SLC22A23: variants seen among roughly 807,000 people sequenced by gnomAD.
SLC22A23 encodes the protein solute carrier family 22 member 23, also known as ion transporter protein.
SLC22A23 carries 26 observed loss-of-function variants against 61.0 expected under a neutral mutation model. The ratio of observed to expected loss-of-function variants is 0.43; its 90% CI spans 0.31 to 0.59. The LOEUF is 0.59. SLC22A23 is among the 20% of genes least tolerant of loss of function. The pLI, the probability that SLC22A23 is intolerant of heterozygous loss-of-function variation, is 0.11. For synonymous variants in SLC22A23, 430 were observed against 413.9 expected (o/e 1.04, Z -0.47); for missense variants, 796 against 934.7 (o/e 0.85, Z 1.94).
rs578144541 is a variant in SLC22A23 at position 3,318,155 on chromosome 6, C to T, written c.1082+5679G>A. Reference sequence around the variant, plus strand: ...GTCACTTCATTCCAGAACTCTGCAACCCTGCGGCTGCTGCCTATTAACCAA... The same window carrying T: ...GTCACTTCATTCCAGAACTCTGCAATCCTGCGGCTGCTGCCTATTAACCAA... On this transcript the variant is annotated intron_variant, in intron 4 of 9. Transcript: ENST00000406686. The surrounding 1 kb of genome is among the most constrained non-coding windows in gnomAD (Gnocchi z 4.3). 2.0e-5 allele frequency among the ~76,000 whole-genome samples: 3 copies of T among 152,180 alleles called. No homozygotes were observed. Among genetic ancestry groups the T allele is most frequent in the Non-Finnish European group, 2.9e-5 (2 of 68,034 alleles).
chr6:3,444,309 G>A (rs373294099), intron 1 of SLC22A23, among the ~76,000 whole-genome samples: 1 of 152,296 alleles, frequency 6.6e-6, no homozygotes, highest in African/African-American at 2.4e-5. Flanking sequence ...AGAAGATTAA[G>A]GTTTCTACAA....
chr6:3,369,259 A>G (rs1766045754), intron 3 of SLC22A23, among the ~76,000 whole-genome samples: 1 of 152,194 alleles, frequency 6.6e-6, no homozygotes, highest in Non-Finnish European at 1.5e-5. Context: ...TGGTGGCACA[A>G]AAAGGACTAC....
intron 1 of SLC22A23, among the ~76,000 whole-genome samples, chr6:3,421,649 T>C (rs1770141439): frequency 6.6e-6 from 1 of 152,198 alleles, no homozygotes; most frequent in Non-Finnish European, 1.5e-5. Context: ...TATACTTTTC[T>C]TGACTTTTCC....
chr6:3,428,128 T>C (rs1169000979), intron 1 of SLC22A23, among the ~76,000 whole-genome samples: 1 of 151,704 alleles, frequency 6.6e-6, no homozygotes, highest in African/African-American at 2.4e-5. Context: ...GCGAAAGGAG[T>C]AGAGAACACA....
rs1769500488 is a variant in SLC22A23 at position 3,414,211 on chromosome 6, T to A, written c.758+1541A>T. On this transcript the variant is annotated intron_variant, in intron 2 of 9. Transcript: ENST00000406686. The surrounding 1 kb of genome is among the most constrained non-coding windows in gnomAD (Gnocchi z 5.1). The stretch of plus-strand genomic sequence containing the variant: ...AACCCCAGTTGAGTTTGCATTTTTT[T>A]AGAAAGACAGTGACATGGATTATAT... Among the ~76,000 whole-genome samples, 1 of 152,242 alleles carries A rather than the reference T, an allele frequency of 6.6e-6. No individual in the cohort carries two copies. Among genetic ancestry groups the A allele is most frequent in the Non-Finnish European group, 1.5e-5 (1 of 68,036 alleles).
chr6:3,440,047 G>C (rs1561984369), intron 1 of SLC22A23, among the ~76,000 whole-genome samples: 1 of 152,098 alleles, frequency 6.6e-6, no homozygotes, highest in African/African-American at 2.4e-5. Context: ...TTGAAGCAAG[G>C]GAGTGATAAA....
intron 1 of SLC22A23, among the ~76,000 whole-genome samples, chr6:3,443,317 C>T (rs996344586): frequency 1.3e-5 from 2 of 152,140 alleles, no homozygotes; most frequent in African/African-American, 4.8e-5. Flanking sequence ...GTTTGGAAAG[C>T]AGGAGACTGG....
chr6:3,336,570 A>C (rs1425171721), intron 3 of SLC22A23, among the ~76,000 whole-genome samples: 1 of 152,180 alleles, frequency 6.6e-6, no homozygotes, highest in African/African-American at 2.4e-5. Context: ...AGGTGGCTGC[A>C]AGCCCTACAC....
At chr6:3,378,317 C>A (rs1439459210) in intron 3 of SLC22A23, among the ~76,000 whole-genome samples, 1 of 152,128 alleles carries the variant, frequency 6.6e-6, no homozygotes, top group Non-Finnish European at 1.5e-5. Context: ...AGAACCAGGA[C>A]CGTTCTCCCA....
Position 3,274,003 on chromosome 6 carries a change from A to C in SLC22A23, c.1704-591T>G, listed in dbSNP as rs974807449. ...ACATACCACCATTGGAAACGGTCCCATCTCTGAGGATTGTGCCTGAAGGGT... is the reference window on the plus strand; with the variant it reads ...ACATACCACCATTGGAAACGGTCCCCTCTCTGAGGATTGTGCCTGAAGGGT... On this transcript the variant is annotated intron_variant, in intron 9 of 9. Transcript: ENST00000406686. Among the ~76,000 whole-genome samples, 3 of 152,304 alleles carry C rather than the reference A, an allele frequency of 2.0e-5. No individual in the cohort carries two copies. In the East Asian group the frequency reaches 5.8e-4, roughly 29 times the overall value.
chr6:3,300,974 C>CATTTAA lies in SLC22A23; in HGVS notation c.1083-2757_1083-2756insTTAAAT, dbSNP rs556489354. On this transcript the variant is annotated intron_variant, in intron 4 of 9. Coordinates refer to ENST00000406686, the MANE Select transcript of SLC22A23 (RefSeq NM_015482.2). ...TCATCTCACATGGAAGTCCCAAATA[C>CATTTAA]ATTTGCAGGCACTGATTTTTTTTAA... Among the ~76,000 whole-genome samples, 1,122 of 118,092 alleles carry CATTTAA rather than the reference C, an allele frequency of 9.5e-3. 11 individuals are homozygous for CATTTAA. Among genetic ancestry groups the CATTTAA allele is most frequent in the African/African-American group, 0.037 (1,083 of 29,604 alleles). The allele number at this position is 118,092 out of a possible 152,430, so 77.5% of individuals were successfully genotyped here.
Position 3,271,601 on chromosome 6 carries a change from C to T in SLC22A23, c.*1454G>A, listed in dbSNP as rs1758478992. ...GGACACAGCCCATGGCAAAGACATG[C>T]TTCGAGAAGGGATGAGTTGGACAAT... On this transcript the variant is annotated 3_prime_UTR_variant, in exon 10 of 10. Coordinates refer to ENST00000406686, the MANE Select transcript of SLC22A23 (RefSeq NM_015482.2). 1 of 152,374 alleles carries T rather than the reference C, an allele frequency of 6.6e-6. No homozygotes were observed. Among genetic ancestry groups the T allele is most frequent in the Non-Finnish European group, 1.5e-5 (1 of 68,062 alleles). 9.4% of individuals were successfully genotyped at this position (152,374 alleles called of 1,614,324 possible). A position where few individuals can be genotyped will look rare whatever the true frequency, so the allele number is the denominator to read the frequency against.
Position 3,342,687 on chromosome 6 carries a change from C to T in SLC22A23, c.914-18685G>A, listed in dbSNP as rs1764214991. On this transcript the variant is annotated intron_variant, in intron 3 of 9. Coordinates refer to ENST00000406686, the MANE Select transcript of SLC22A23 (RefSeq NM_015482.2). This position sits in a 1 kb window ranked among gnomAD's most constrained non-coding sequence, Gnocchi z 4.0. ...CAGCAAAATTGCTGGGATTTCTCAT[C>T]TGCCTGAAACTGCCATCGTACAAAT... 6.6e-6 allele frequency among the ~76,000 whole-genome samples: 1 copy of T among 152,202 alleles called. No homozygotes were observed. Among genetic ancestry groups the T allele is most frequent in the Admixed American group, 6.5e-5 (1 of 15,288 alleles).
Position 3,330,926 on chromosome 6 carries a change from T to C in SLC22A23, c.914-6924A>G, listed in dbSNP as rs767489429. Among the ~76,000 whole-genome samples, 1 of 152,220 alleles carries C rather than the reference T, an allele frequency of 6.6e-6. No homozygotes were observed. Among genetic ancestry groups the C allele is most frequent in the African/African-American group, 2.4e-5 (1 of 41,462 alleles). On this transcript the variant is annotated intron_variant, in intron 3 of 9. Coordinates refer to ENST00000406686, the MANE Select transcript of SLC22A23 (RefSeq NM_015482.2). This position sits in a 1 kb window ranked among gnomAD's most constrained non-coding sequence, Gnocchi z 4.7. ...TAGACATAGGCATTAAATGCTCAAA[T>C]GCAGAAATACTGAATTAACTACCAA...
intron 3 of SLC22A23, among the ~76,000 whole-genome samples, chr6:3,388,699 T>C (rs1049150940): frequency 1.3e-5 from 2 of 152,158 alleles, no homozygotes; most frequent in Non-Finnish European, 2.9e-5. Context: ...GGTCCATCCA[T>C]ACAGATACAT....
rs183348201 is a variant in SLC22A23, at chr6:3,292,725, G to A, written c.1211-2859C>T. 2.0e-3 allele frequency among the ~76,000 whole-genome samples: 306 copies of A among 152,332 alleles called. 1 individual carries two copies. Among genetic ancestry groups the A allele is most frequent in the African/African-American group, 4.9e-3 (203 of 41,562 alleles). On this transcript the variant is annotated intron_variant, in intron 5 of 9. Transcript: ENST00000406686. ...GCAGGAACCCAGCTTCTGCACTTCC[G>A]GCAAAGCTACGCTCTCCTTGGAAAA...
chr6:3,295,073 C>T (rs555030907), intron 5 of SLC22A23, among the ~76,000 whole-genome samples: 4 of 122,880 alleles, frequency 3.3e-5, no homozygotes, highest in East Asian at 4.3e-4. Context: ...ACCTGCTACG[C>T]GTCGCGTCAG....
Position 3,305,059 on chromosome 6 carries a change from G to A in SLC22A23, c.1083-6841C>T, listed in dbSNP as rs574546437. Reference sequence around the variant, plus strand: ...AGCTACATGACCATCTCCACTGGGGGGTAGCACTGCTCACCACCTTCCCCA... The same window carrying A: ...AGCTACATGACCATCTCCACTGGGGAGTAGCACTGCTCACCACCTTCCCCA... On this transcript the variant is annotated intron_variant, in intron 4 of 9. Coordinates refer to ENST00000406686, the MANE Select transcript of SLC22A23 (RefSeq NM_015482.2). Among the ~76,000 whole-genome samples the A allele has an allele frequency of 2.0e-4, 31 of 152,204 alleles. No homozygotes were observed. In the East Asian group the frequency reaches 5.4e-3, roughly 27 times the overall value.
At chr6:3,379,955 A>ATGTGTG (rs1282143200) in intron 3 of SLC22A23, among the ~76,000 whole-genome samples, 11 of 151,944 alleles carry the variant, frequency 7.2e-5, no homozygotes, top group African/African-American at 2.7e-4. Context: ...AGGAGTGTGG[A>ATGTGTG]TGCGTGTGTG....
Sources: allele counts gnomAD v4.1 joint callset (sites outside exome capture counted in the v4.1 genomes callset), GRCh38; gene constraint gnomAD v4.1.1; non-coding constraint Gnocchi (gnomAD v3.1); transcripts MANE v1.5; gene names NCBI Gene and HGNC (gene_info 2026-07-23, HGNC 2026-07-21).